PDE4C: variants seen among roughly 807,000 people sequenced by gnomAD.
PDE4C encodes the protein phosphodiesterase 4C.
PDE4C carries 50 observed loss-of-function variants against 63.9 expected under a neutral mutation model. The ratio of observed to expected loss-of-function variants is 0.78; its 90% CI spans 0.62 to 0.99. The LOEUF is 0.99. PDE4C is among the 50% of genes least tolerant of loss of function. The pLI, the probability that PDE4C is intolerant of heterozygous loss-of-function variation, is 0.00. For missense variants in PDE4C, 777 were observed against 899.1 expected (o/e 0.86, Z 1.74); for synonymous variants, 377 against 385.1 (o/e 0.98, Z 0.25).
chr19:18,220,345 GT>G lies in PDE4C; in HGVS notation c.613-27del, dbSNP rs760582848. 8.7e-6 allele frequency: 14 copies of G among 1,613,084 alleles called. No homozygotes were observed. The East Asian group carries it at 3.1e-4, about 36-fold the overall frequency. On this transcript the variant is annotated intron_variant, in intron 6 of 14. Coordinates refer to ENST00000262805, the Ensembl canonical transcript of PDE4C. This position sits in a 1 kb window ranked among gnomAD's most constrained non-coding sequence, Gnocchi z 5.1. Reference sequence around the variant, plus strand: ...CTGGGGCGGAGAGAAGGTGAAGACCGTGATGATGGGGCACCGTGGGCCGAGG... The same window carrying G: ...CTGGGGCGGAGAGAAGGTGAAGACCGGATGATGGGGCACCGTGGGCCGAGG...
At chr19:18,237,676 T>A (rs1968975399), upstream of PDE4C, among the ~76,000 whole-genome samples, 1 of 151,496 alleles carries the variant, frequency 6.6e-6, no homozygotes, top group African/African-American at 2.4e-5. Flanking sequence ...ATCAATACCA[T>A]CCTGGCTAAC....
exon 15 of PDE4C, chr19:18,211,032 G>A (rs764614889): frequency 1.9e-6 from 3 of 1,614,238 alleles, no homozygotes; most frequent in South Asian, 1.1e-5. Flanking sequence ...GGCTAAAGCT[G>A]TCTCTTCCCC....
At chr19:18,251,890 A>G (rs1397205554), upstream of PDE4C, among the ~76,000 whole-genome samples, 1 of 151,874 alleles carries the variant, frequency 6.6e-6, no homozygotes, top group Non-Finnish European at 1.5e-5. Flanking sequence ...CGTGACATAC[A>G]CTAGGCACTT....
chr19:18,252,441 G>A (rs905470287), upstream of PDE4C: 5 of 398,982 alleles, frequency 1.3e-5, no homozygotes, highest in African/African-American at 1.0e-4. Context: ...GACAGGTGAT[G>A]TCTCCATACT....
exon 1 of PDE4C, chr19:18,233,269 G>T (rs1243219068): frequency 6.5e-7 from 1 of 1,534,140 alleles, no homozygotes; most frequent in African/African-American, 1.4e-5. Context: ...GTCTGCTCCC[G>T]GGTCCGGCCC....
upstream of PDE4C, among the ~76,000 whole-genome samples, chr19:18,248,503 A>T (rs1294764335): frequency 6.6e-6 from 1 of 151,478 alleles, no homozygotes; most frequent in Non-Finnish European, 1.5e-5. Flanking sequence ...GCTGGGTGAG[A>T]GGTGTTAAGA....
intron 12 of PDE4C, among the ~76,000 whole-genome samples, chr19:18,215,473 A>T (rs1315628883): frequency 7.4e-6 from 1 of 135,784 alleles, no homozygotes; most frequent in Admixed American, 7.6e-5. Flanking sequence ...AAACTTACTG[A>T]TGTGCCCCTA....
chr19:18,211,739 C>A lies in PDE4C; in HGVS notation c.1695+20G>T. ...TACTTCCTCCCAGTGTCTACCGGTT[C>A]AGCCCAGTCCCCTGCCAACCTGGGA... On this transcript the variant is annotated intron_variant, in intron 14 of 14. Transcript: ENST00000262805. 6.2e-7 allele frequency: 1 copy of A among 1,613,582 alleles called. No homozygotes were observed. Among genetic ancestry groups the A allele is most frequent in the Non-Finnish European group, 8.5e-7 (1 of 1,179,510 alleles).
At chr19:18,237,673 C>T (rs1275115972), upstream of PDE4C, among the ~76,000 whole-genome samples, 1 of 151,382 alleles carries the variant, frequency 6.6e-6, no homozygotes, top group Non-Finnish European at 1.5e-5. Flanking sequence ...GAGATCAATA[C>T]CATCCTGGCT....
At chr19:18,219,659 A>G (rs1490144662) in intron 7 of PDE4C, 7 of 400,802 alleles carry the variant, frequency 1.7e-5, no homozygotes. Flanking sequence ...CCCCATCGCT[A>G]CTAAAAATAC....
exon 11 of PDE4C, chr19:18,218,185 G>A: frequency 6.2e-7 from 1 of 1,614,182 alleles, no homozygotes. Context: ...ACCCCAGGAT[G>A]GTCCACGTCG....
At chr19:18,248,521 T>G (rs1969175029), upstream of PDE4C, among the ~76,000 whole-genome samples, 1 of 151,910 alleles carries the variant, frequency 6.6e-6, no homozygotes, top group East Asian at 1.9e-4. Flanking sequence ...AGATTAATTG[T>G]TCATGTGTTT....
At chr19:18,248,064 G>C in intron 1 of PDE4C, 1 of 408,462 alleles carries the variant, frequency 2.4e-6, no homozygotes, top group Middle Eastern at 3.5e-4. Flanking sequence ...TCCCAGAGTG[G>C]CTCTGATGGT....
At chr19:18,218,648 G>T in intron 9 of PDE4C, 150 bp from the exon 10 acceptor site, 1 of 874,094 alleles carries the variant, frequency 1.1e-6, no homozygotes, top group Non-Finnish European at 1.8e-6. Flanking sequence ...TCCACTCTGT[G>T]TTATTTGGTG....
chr19:18,234,561 A>AT (rs556766278), upstream of PDE4C, among the ~76,000 whole-genome samples: 107 of 152,204 alleles, frequency 7.0e-4, no homozygotes, highest in Admixed American at 1.5e-3. Flanking sequence ...AAGAGGTGAG[A>AT]TTTTGTACTC....
chr19:18,242,961 G>A (rs1286365317), intron 1 of PDE4C, among the ~76,000 whole-genome samples: 1 of 152,086 alleles, frequency 6.6e-6, no homozygotes, highest in Non-Finnish European at 1.5e-5. Context: ...GGAGAGCAGG[G>A]CCTATCCCTG....
At chr19:18,254,155 CT>C in the PDE4C span, among the ~76,000 whole-genome samples, 9 of 152,310 alleles carry the variant, frequency 5.9e-5, no homozygotes, top group African/African-American at 2.2e-4. Flanking sequence ...GAAACTGAGG[CT>C]CAGAGTAGCA....
At chr19:18,246,579 C>T (rs888665) in intron 1 of PDE4C, among the ~76,000 whole-genome samples, 70,823 of 151,854 alleles carry the variant, frequency 0.47, 17,810 homozygotes, top group East Asian at 0.79. Context: ...ACCCGAGGCT[C>T]ACCCTGAGCA....
At position 18,216,783 on chromosome 19, in the gene PDE4C, GC is replaced by G. The variant is rs759745877; in HGVS notation, c.1346del (p.Ser449ThrfsTer6). The G allele has an allele frequency of 2.7e-5, 44 of 1,613,790 alleles. No homozygotes were observed. The highest frequency in any genetic ancestry group is 3.7e-5 in the Non-Finnish European group (44 of 1,179,950). ...TGCGCAGACTCAGTCGCTGCTTGGCGCTGAGGTTCTGGAAGATATCGCAGTT... is the reference window on the plus strand; with the variant it reads ...TGCGCAGACTCAGTCGCTGCTTGGCGTGAGGTTCTGGAAGATATCGCAGTT... On this transcript the variant is annotated frameshift_variant, in exon 12 of 15. Transcript: ENST00000262805. LOFTEE classifies it high-confidence loss of function.
Sources: gnomAD v4.1 joint callset for allele counts (sites outside exome capture counted in the v4.1 genomes callset) on GRCh38, gnomAD v4.1.1 for gene constraint, Gnocchi (gnomAD v3.1) non-coding constraint, MANE v1.5 for transcripts, NCBI Gene and HGNC (gene_info 2026-07-23, HGNC 2026-07-21) for gene names.